SCN11A: variants seen among roughly 807,000 people sequenced by gnomAD.
SCN11A encodes the protein sodium voltage-gated channel alpha subunit 11.
A neutral mutation model predicts 162.2 loss-of-function variants in SCN11A; 122 were observed. That is an observed-to-expected ratio of 0.75 (90% CI 0.65 to 0.87). The LOEUF (loss-of-function observed/expected upper bound fraction) is 0.87, where lower values mean the gene tolerates loss of function less well. SCN11A is among the 40% of genes least tolerant of loss of function. The pLI is 0.00. For synonymous variants in SCN11A, 758 were observed against 751.5 expected, an observed-to-expected ratio of 1.01 and a Z score of -0.14; for missense variants, 2,015 against 2,181.6, an observed-to-expected ratio of 0.92 and a Z score of 1.52.
At chr3:38,956,174 G>A (rs2066679385) in intron 3 of SCN11A, among the ~76,000 whole-genome samples, 1 of 152,148 alleles carries the variant, frequency 6.6e-6, no homozygotes, top group Non-Finnish European at 1.5e-5. Flanking sequence ...GAACCCTGGA[G>A]GTGGAGGTTG....
At chr3:39,039,931 G>T (rs1222017314) in intron 1 of SCN11A, among the ~76,000 whole-genome samples, 1 of 152,212 alleles carries the variant, frequency 6.6e-6, no homozygotes, top group African/African-American at 2.4e-5. Context: ...TATAGCATGT[G>T]TACATGTCCG....
chr3:38,935,314 C>G (rs376783929), intron 7 of SCN11A, among the ~76,000 whole-genome samples: 45 of 151,820 alleles, frequency 3.0e-4, no homozygotes, highest in African/African-American at 6.8e-4. Context: ...ACAATTAAAA[C>G]AACTAGAAAA....
At chr3:38,941,934 A>G (rs2066448786) in intron 7 of SCN11A, among the ~76,000 whole-genome samples, 2 of 152,180 alleles carry the variant, frequency 1.3e-5, no homozygotes, top group African/African-American at 4.8e-5. Flanking sequence ...TAAAAAGCAA[A>G]AACCAACTAT....
Position 39,003,129 on chromosome 3 carries a change from G to A in SCN11A, c.-280+29251C>T, listed in dbSNP as rs541515515. Among the ~76,000 whole-genome samples the A allele has an allele frequency of 2.2e-3, 341 of 152,144 alleles. 1 individual carries two copies. Among genetic ancestry groups the A allele is most frequent in the African/African-American group, 7.8e-3 (324 of 41,514 alleles). On this transcript the variant is annotated intron_variant, in intron 2 of 29. Transcript: ENST00000302328. ...TTGTACAGATTATTCAATCACCCAG[G>A]TATGAAGTCCAGTACCGAATAGCTA...
chr3:38,984,703 G>A (rs1227894715), intron 2 of SCN11A, among the ~76,000 whole-genome samples: 1 of 152,086 alleles, frequency 6.6e-6, no homozygotes. Flanking sequence ...TAGAGACGGG[G>A]TTTCACCATG....
intron 2 of SCN11A, chr3:39,026,217 C>G (rs951906159): frequency 6.6e-6 from 1 of 152,136 alleles, no homozygotes; most frequent in Non-Finnish European, 1.5e-5. Flanking sequence ...TCTCAGCTGA[C>G]AAGTCATATA....
chr3:39,044,533 C>T (rs1318253837), intron 1 of SCN11A, among the ~76,000 whole-genome samples: 2 of 151,968 alleles, frequency 1.3e-5, no homozygotes, highest in Non-Finnish European at 2.9e-5. Flanking sequence ...CGAAACTGTG[C>T]AAATACATAT....
chr3:38,974,555 C>T (rs1205842275), intron 2 of SCN11A, among the ~76,000 whole-genome samples: 1 of 151,844 alleles, frequency 6.6e-6, no homozygotes, highest in African/African-American at 2.4e-5. Flanking sequence ...ATTAGCCAGG[C>T]ATGGCAGCAG....
chr3:38,893,934 A>G (rs1453635417), intron 19 of SCN11A, among the ~76,000 whole-genome samples: 1 of 152,162 alleles, frequency 6.6e-6, no homozygotes, highest in Non-Finnish European at 1.5e-5. Context: ...CTCAGACATC[A>G]AATCTGTCAC....
At chr3:38,920,064 T>G (rs544030749) in intron 10 of SCN11A, 63 bp from the exon 11 acceptor site, 1 of 1,235,640 alleles carries the variant, frequency 8.1e-7, no homozygotes, top group East Asian at 2.3e-5. Context: ...AAGAGAATAG[T>G]AAGTATGCAG....
At chr3:38,875,962 A>T (rs1233769604) in intron 23 of SCN11A, among the ~76,000 whole-genome samples, 1 of 152,198 alleles carries the variant, frequency 6.6e-6, no homozygotes, top group Non-Finnish European at 1.5e-5. Flanking sequence ...CTCTAACTGT[A>T]CTATAAGGCC....
chr3:38,895,005 C>T, intron 18 of SCN11A, 41 bp from the exon 19 acceptor site: 1 of 1,538,334 alleles, frequency 6.5e-7, no homozygotes, highest in South Asian at 1.3e-5. Context: ...GAAAGTTTAG[C>T]AAAGGAAAAG....
intron 28 of SCN11A, among the ~76,000 whole-genome samples, chr3:38,858,842 A>C (rs2064916194): frequency 6.6e-6 from 1 of 152,118 alleles, no homozygotes; most frequent in African/African-American, 2.4e-5. Flanking sequence ...CACAGTGGAA[A>C]AAAACTGGAA....
At chr3:38,905,681 A>G (rs1400736733) in intron 14 of SCN11A, among the ~76,000 whole-genome samples, 1 of 152,188 alleles carries the variant, frequency 6.6e-6, no homozygotes, top group Non-Finnish European at 1.5e-5. Flanking sequence ...ATTTGTAAAC[A>G]ATGTTTAAAG....
chr3:38,971,142 TTTC>T (rs780249011), intron 2 of SCN11A, among the ~76,000 whole-genome samples: 70 of 152,008 alleles, frequency 4.6e-4, no homozygotes, highest in Non-Finnish European at 8.7e-4. Context: ...ACTCACATTT[TTTC>T]TTTTCTTTTT....
At chr3:38,955,288 A>G (rs1282848046) in intron 3 of SCN11A, among the ~76,000 whole-genome samples, 2 of 152,152 alleles carry the variant, frequency 1.3e-5, no homozygotes, top group Non-Finnish European at 2.9e-5. Flanking sequence ...CTCTGTCCCA[A>G]AAAAAATGAA....
intron 2 of SCN11A, among the ~76,000 whole-genome samples, chr3:39,008,888 CA>C (rs903695755): frequency 1.5e-4 from 8 of 55,118 alleles, no homozygotes; most frequent in Admixed American, 2.9e-4. Flanking sequence ...TCTCAAAAAA[CA>C]AAAAAAAAAG....
chr3:39,032,963 C>A (rs1046572784), intron 1 of SCN11A, among the ~76,000 whole-genome samples: 2 of 152,056 alleles, frequency 1.3e-5, no homozygotes, highest in African/African-American at 4.8e-5. Context: ...ACCAGCCTGG[C>A]CAACATGGCG....
At chr3:38,942,148 GGAT>G (rs2066451605) in intron 7 of SCN11A, among the ~76,000 whole-genome samples, 1 of 151,994 alleles carries the variant, frequency 6.6e-6, no homozygotes, top group Non-Finnish European at 1.5e-5. Context: ...TACATCAGGA[GGAT>G]AATAATAATC....
Sources: allele counts gnomAD v4.1 joint callset (sites outside exome capture counted in the v4.1 genomes callset), GRCh38; gene constraint gnomAD v4.1.1; transcripts MANE v1.5; gene names NCBI Gene and HGNC (gene_info 2026-07-23, HGNC 2026-07-21).